Variants in GRIK1 observed in about 807,000 individuals in gnomAD.
GRIK1 encodes the protein glutamate ionotropic receptor kainate type subunit 1.
GRIK1 carries 69 observed loss-of-function variants against 105.7 expected under a neutral mutation model. The observed-to-expected ratio is 0.65, with a 90% CI of 0.54 to 0.80. The LOEUF (loss-of-function observed/expected upper bound fraction) is 0.80. Among genes scored for constraint, GRIK1 ranks in the 30% least tolerant of loss-of-function variants. The pLI is 0.00. For synonymous variants in GRIK1, 438 were observed against 431.3 expected, an observed-to-expected ratio of 1.02 and a Z score of -0.19; for missense variants, 1,109 against 1,167.3, an observed-to-expected ratio of 0.95 and a Z score of 0.73.
chr21:29,686,519 A>T (rs1472344531), intron 3 of GRIK1, among the ~76,000 whole-genome samples: 1 of 152,252 alleles, frequency 6.6e-6, no homozygotes, highest in Non-Finnish European at 1.5e-5. Context: ...TTTTTAGCTC[A>T]GTTGTCTTAT....
chr21:29,710,268 G>A (rs2064012169), intron 1 of GRIK1, among the ~76,000 whole-genome samples: 1 of 151,936 alleles, frequency 6.6e-6, no homozygotes, highest in Non-Finnish European at 1.5e-5. Context: ...TGCTGAATGT[G>A]ATTTGTTGAT....
intron 7 of GRIK1, among the ~76,000 whole-genome samples, chr21:29,620,436 T>A (rs1362915074): frequency 6.6e-6 from 1 of 152,168 alleles, no homozygotes; most frequent in Non-Finnish European, 1.5e-5. Flanking sequence ...AAGCAATTTG[T>A]TGAAAGAAAT....
intron 4 of GRIK1, among the ~76,000 whole-genome samples, chr21:29,665,034 C>G (rs1454378239): frequency 6.6e-6 from 1 of 152,208 alleles, no homozygotes; most frequent in Non-Finnish European, 1.5e-5. Context: ...TTTTTCTTAT[C>G]TCCTACTATA....
chr21:29,565,908 GGTT>G (rs2146196004), intron 14 of GRIK1, among the ~76,000 whole-genome samples: 1 of 152,316 alleles, frequency 6.6e-6, no homozygotes, highest in East Asian at 1.9e-4. Context: ...GGTGGCAGAG[GGTT>G]AGTGGAAGAG....
In GRIK1 at chr21:29,867,888, G is replaced by GAA. The variant is rs1555901573; in HGVS notation, c.118+71494_118+71495insTT. 3.0e-5 allele frequency among the ~76,000 whole-genome samples: 4 copies of GAA among 131,368 alleles called. No homozygotes were observed. In the East Asian group the frequency reaches 7.5e-4, roughly 25 times the overall value. 86.2% of individuals were successfully genotyped at this position (131,368 alleles called of 152,430 possible). A position where few individuals can be genotyped will look rare whatever the true frequency, so the allele number is the denominator to read the frequency against. The stretch of plus-strand genomic sequence containing the variant: ...AGAGAAAGAGAGAAAGAGAGAGAAA[G>GAA]AGAGAGAGAGAGAGAAAGAAAGAGA... On this transcript the variant is annotated intron_variant, in intron 1 of 17. Coordinates refer to ENST00000327783, the MANE Select transcript of GRIK1 (RefSeq NM_001330994.2).
At position 29,802,244 on chromosome 21, in the gene GRIK1, C is replaced by T. The variant is rs374972421; in HGVS notation, c.119-108181G>A. Among the ~76,000 whole-genome samples, 198 of 152,234 alleles carry T rather than the reference C, an allele frequency of 1.3e-3. 1 individual carries two copies. The highest frequency in any genetic ancestry group is 4.5e-3 in the African/African-American group (187 of 41,564). On this transcript the variant is annotated intron_variant, in intron 1 of 17. Coordinates refer to ENST00000327783, the MANE Select transcript of GRIK1 (RefSeq NM_001330994.2). ...CTAAATGTCAAGCCCTGCTATTAAT[C>T]TTTTTAGAAAATATATTTATGACCT... is the stretch of plus-strand genomic sequence containing the variant.
At position 29,651,053 on chromosome 21, in the gene GRIK1, G is replaced by A. The variant is rs763419582; in HGVS notation, c.954+65C>T. On this transcript the variant is annotated intron_variant, in intron 6 of 17. Transcript: ENST00000327783. ...CTTTTCTCTAATATTTTAAAGATACGTGAGATCTTAACCCCGAAGGCATTC... is the reference window on the plus strand; with the variant it reads ...CTTTTCTCTAATATTTTAAAGATACATGAGATCTTAACCCCGAAGGCATTC... The A allele has an allele frequency of 8.4e-6, 10 of 1,185,488 alleles. No individual in the cohort carries two copies. The East Asian group carries it at 1.2e-4, about 14-fold the overall frequency. 73.4% of individuals were successfully genotyped at this position (1,185,488 alleles called of 1,614,324 possible). A position where few individuals can be genotyped will look rare whatever the true frequency, so the allele number is the denominator to read the frequency against.
intron 1 of GRIK1, among the ~76,000 whole-genome samples, chr21:29,864,015 T>G (rs1056997946): frequency 1.3e-5 from 2 of 152,250 alleles, no homozygotes; most frequent in East Asian, 3.9e-4. Context: ...TCGTGAAACC[T>G]CCCTTTAATC....
intron 1 of GRIK1, among the ~76,000 whole-genome samples, chr21:29,697,688 T>C (rs1160692507): frequency 2.0e-5 from 3 of 152,136 alleles, no homozygotes; most frequent in African/African-American, 7.2e-5. Context: ...TTACCTCACA[T>C]GTGGGCAGAC....
intron 1 of GRIK1, among the ~76,000 whole-genome samples, chr21:29,820,882 C>A (rs868054512): frequency 2.0e-5 from 3 of 151,870 alleles, no homozygotes; most frequent in Admixed American, 1.3e-4. Context: ...CCCAAGTTTA[C>A]CCAACTAGTA....
At chr21:29,709,345 A>G (rs184640555) in intron 1 of GRIK1, among the ~76,000 whole-genome samples, 3 of 148,660 alleles carry the variant, frequency 2.0e-5, no homozygotes, top group African/African-American at 5.0e-5. Context: ...CCGTGGTGCA[A>G]TCTCAACTCA....
intron 1 of GRIK1, among the ~76,000 whole-genome samples, chr21:29,725,278 G>A (rs936948351): frequency 1.3e-5 from 2 of 152,166 alleles, no homozygotes; most frequent in Non-Finnish European, 2.9e-5. Flanking sequence ...AAACATTGGA[G>A]AGTAAGCAAC....
intron 7 of GRIK1, among the ~76,000 whole-genome samples, chr21:29,633,459 C>T (rs568425782): frequency 6.6e-6 from 1 of 152,218 alleles, no homozygotes; most frequent in Non-Finnish European, 1.5e-5. Context: ...GATCGCACCA[C>T]TGCACTCCAG....
chr21:29,826,416 G>T (rs1159351943), intron 1 of GRIK1, among the ~76,000 whole-genome samples: 3 of 152,074 alleles, frequency 2.0e-5, no homozygotes, highest in Non-Finnish European at 2.9e-5. Context: ...TAAATCCATG[G>T]ACTTTGAGTA....
chr21:29,745,202 G>A (rs1601586122), intron 1 of GRIK1, among the ~76,000 whole-genome samples: 1 of 152,242 alleles, frequency 6.6e-6, no homozygotes, highest in East Asian at 1.9e-4. Flanking sequence ...GACTGGGGGT[G>A]CCCTCTGGCT....
At chr21:29,720,634 C>T (rs1358548127) in intron 1 of GRIK1, among the ~76,000 whole-genome samples, 2 of 152,092 alleles carry the variant, frequency 1.3e-5, no homozygotes, top group African/African-American at 4.8e-5. Context: ...CATGGAGCTT[C>T]GGTTTACAGC....
chr21:29,636,930 A>C (rs960408966), intron 7 of GRIK1, among the ~76,000 whole-genome samples: 3 of 152,124 alleles, frequency 2.0e-5, no homozygotes, highest in African/African-American at 4.8e-5. Context: ...CACTGCTTCC[A>C]CATAGGATCA....
At chr21:29,643,853 T>C (rs1052169332) in intron 6 of GRIK1, among the ~76,000 whole-genome samples, 9 of 152,060 alleles carry the variant, frequency 5.9e-5, no homozygotes, top group African/African-American at 2.2e-4. Flanking sequence ...GATAAAGCTA[T>C]TTATTATGTG....
intron 14 of GRIK1, among the ~76,000 whole-genome samples, chr21:29,563,789 A>C (rs1012797600): frequency 7.9e-5 from 12 of 152,222 alleles, no homozygotes; most frequent in Admixed American, 7.8e-4. Flanking sequence ...AGATCGGCTC[A>C]TACAAACTGC....
Sources: gnomAD v4.1 joint callset for allele counts (sites outside exome capture counted in the v4.1 genomes callset) on GRCh38, gnomAD v4.1.1 for gene constraint, MANE v1.5 for transcripts, NCBI Gene and HGNC (gene_info 2026-07-23, HGNC 2026-07-21) for gene names.